The following MTNR1B variants were observed in gnomAD, a reference collection of about 807,000 sequenced individuals.
MTNR1B encodes the protein melatonin receptor 1B.
MTNR1B carries 7 observed loss-of-function variants against 7.0 expected under a neutral mutation model. That is an observed-to-expected ratio of 1.00 (90% confidence interval 0.57 to 1.88). MTNR1B has a LOEUF of 1.88. MTNR1B is among the 40% of genes most tolerant of loss of function. The pLI is 0.00. For synonymous variants in MTNR1B, 226 were observed against 208.2 expected, an observed-to-expected ratio of 1.09 and a Z score of -0.74; for missense variants, 478 against 486.5, an observed-to-expected ratio of 0.98 and a Z score of 0.16.
rs559004434 is a variant in MTNR1B, at chr11:92,976,652, A to G, written c.224-4795A>G. On this transcript the variant is annotated intron_variant, in intron 1 of 1. Coordinates refer to ENST00000257068, the MANE Select transcript of MTNR1B (RefSeq NM_005959.5). Reference sequence around the variant, plus strand: ...GCAAAACTGGATCCCCAAGCTCTCAACAGAATTTGTTCTTGTTAATGTCAC... The same window carrying G: ...GCAAAACTGGATCCCCAAGCTCTCAGCAGAATTTGTTCTTGTTAATGTCAC... Among the ~76,000 whole-genome samples the G allele has an allele frequency of 6.6e-5, 10 of 152,298 alleles. No individual in the cohort carries two copies. The South Asian group carries it at 2.1e-3, about 32-fold the overall frequency.
At position 92,969,793 on chromosome 11, in the gene MTNR1B, C is replaced by CG. The variant is rs1309001864; in HGVS notation, c.73dup (p.Ala25GlyfsTer52). The CG allele has an allele frequency of 1.3e-6, 2 of 1,555,080 alleles. No individual in the cohort carries two copies. Among genetic ancestry groups the CG allele is most frequent in the Non-Finnish European group, 1.7e-6 (2 of 1,149,844 alleles). ...GGGTGGGCAGTGCGCCCGGGCTGGT[C>CG]GGGGGCTGGCAGCGCGCGGCCCTCC... is the stretch of plus-strand genomic sequence containing the variant. On this transcript the variant is annotated frameshift_variant, in exon 1 of 2. Coordinates refer to ENST00000257068, the MANE Select transcript of MTNR1B (RefSeq NM_005959.5). LOFTEE classifies it high-confidence loss of function.
intron 1 of MTNR1B, among the ~76,000 whole-genome samples, chr11:92,975,884 C>T (rs1366428527): frequency 6.6e-6 from 1 of 152,178 alleles, no homozygotes; most frequent in Admixed American, 6.5e-5. Context: ...TTGACTTGCT[C>T]AGCCTGCAAT....
At chr11:92,970,701 G>A (rs553973262) in intron 1 of MTNR1B, among the ~76,000 whole-genome samples, 7 of 152,142 alleles carry the variant, frequency 4.6e-5, no homozygotes, top group African/African-American at 1.7e-4. Flanking sequence ...AAACCAGAGT[G>A]GGGGGCAGTA....
At position 92,981,797 on chromosome 11, in the gene MTNR1B, T is replaced by C; in HGVS notation, c.574T>C (p.Phe192Leu). The C allele has an allele frequency of 1.9e-6, 3 of 1,614,184 alleles. No individual in the cohort carries two copies. The highest frequency in any genetic ancestry group is 2.5e-6 in the Non-Finnish European group (3 of 1,180,034). The change falls in exon 2 of 2, where the codon TTC becomes CTC. Residue 192 changes from phenylalanine to leucine, a missense_variant. Coordinates refer to ENST00000257068, the MANE Select transcript of MTNR1B (RefSeq NM_005959.5). Reference protein sequence around the residue: ...EYDPRIYSCTFIQTASTQYTA... With the variant: ...EYDPRIYSCTLIQTASTQYTA... ...CGACCCACGCATCTATTCCTGCACCTTCATCCAGACCGCCAGCACCCAGTA... is the reference window on the plus strand; with the variant it reads ...CGACCCACGCATCTATTCCTGCACCCTCATCCAGACCGCCAGCACCCAGTA...
At chr11:92,980,336 A>T (rs1297835683) in intron 1 of MTNR1B, among the ~76,000 whole-genome samples, 2 of 152,242 alleles carry the variant, frequency 1.3e-5, no homozygotes, top group Non-Finnish European at 2.9e-5. Context: ...TTGAGCATAC[A>T]GTAGGTATTC....
Position 92,982,307 on chromosome 11 carries a change from C to G in MTNR1B, c.1084C>G (p.Leu362Val), listed in dbSNP as rs772197954. 34 of 1,608,450 alleles carry G rather than the reference C, an allele frequency of 2.1e-5. No individual in the cohort carries two copies. The East Asian group carries it at 6.5e-4, about 31-fold the overall frequency. Residue 362 changes from leucine to valine, a missense_variant, in exon 2 of 2, where the codon CTC becomes GTC. Leu to Val is a conservative substitution (Grantham distance 32). Transcript: ENST00000257068. ...TGGTGTGCAGCACCAGGCAGATGCTCTCTAGCCTGGATCTGAGGCACACCA... is the reference window on the plus strand; with the variant it reads ...TGGTGTGCAGCACCAGGCAGATGCTGTCTAGCCTGGATCTGAGGCACACCA... ...IIGVQHQADA[L>V]
In MTNR1B at chr11:92,981,902, G is replaced by A; in HGVS notation, c.679G>A (p.Val227Met). The A allele has an allele frequency of 6.2e-7, 1 of 1,614,204 alleles. No individual in the cohort carries two copies. Among genetic ancestry groups the A allele is most frequent in the Non-Finnish European group, 8.5e-7 (1 of 1,180,044 alleles). Residue 227 changes from valine (V) to methionine (M), a missense_variant, in exon 2 of 2, where the codon GTG becomes ATG. Val to Met is a conservative substitution (Grantham distance 21). Coordinates refer to ENST00000257068, the MANE Select transcript of MTNR1B (RefSeq NM_005959.5). ...SFCYLRIWVLVLQARRKAKPE... is the reference protein window; with the variant it reads ...SFCYLRIWVLMLQARRKAKPE... Reference sequence around the variant, plus strand: ...CTGCTACCTGCGCATCTGGGTGCTGGTGCTTCAGGCCCGCAGGAAAGCCAA... The same window carrying A: ...CTGCTACCTGCGCATCTGGGTGCTGATGCTTCAGGCCCGCAGGAAAGCCAA...
intron 1 of MTNR1B, chr11:92,972,356 C>T (rs992420420): frequency 2.2e-6 from 1 of 454,550 alleles, no homozygotes; most frequent in Admixed American, 2.4e-5. Context: ...CTTTACTTGC[C>T]TATCACAAAC....
chr11:92,980,270 G>A (rs1382702943), intron 1 of MTNR1B, among the ~76,000 whole-genome samples: 2 of 152,224 alleles, frequency 1.3e-5, no homozygotes, highest in South Asian at 2.1e-4. Flanking sequence ...AAAATACCAT[G>A]CCCAGTGCAC....
intron 1 of MTNR1B, among the ~76,000 whole-genome samples, chr11:92,978,874 C>T (rs1184487007): frequency 6.6e-6 from 1 of 152,192 alleles, no homozygotes; most frequent in African/African-American, 2.4e-5. Flanking sequence ...TCTGCCTTCA[C>T]AGGGAAACAG....
rs960263977 is a variant in MTNR1B at position 92,982,272 on chromosome 11, C to T, written c.1049C>T (p.Pro350Leu). 1 of 1,613,950 alleles carries T rather than the reference C, an allele frequency of 6.2e-7. No homozygotes were observed. Among genetic ancestry groups the T allele is most frequent in the African/African-American group, 1.3e-5 (1 of 74,926 alleles). The change falls in exon 2 of 2, where the codon CCA becomes CTA. Residue 350 changes from proline to leucine, a missense_variant. Pro to Leu is a moderately conservative substitution (Grantham distance 98). Coordinates refer to ENST00000257068, the MANE Select transcript of MTNR1B (RefSeq NM_005959.5). ...GCGGAGGGGCTGCAGAGCCCAGCTC[C>T]ACCCATCATTGGTGTGCAGCACCAG... ...SHAEGLQSPA[P>L]PIIGVQHQAD...
Position 92,981,811 on chromosome 11 carries a change from C to A in MTNR1B, c.588C>A (p.Ala196=), listed in dbSNP as rs1417838736. The A allele has an allele frequency of 6.2e-7, 1 of 1,614,236 alleles. No homozygotes were observed. Among genetic ancestry groups the A allele is most frequent in the Admixed American group, 1.7e-5 (1 of 60,032 alleles). ...RIYSCTFIQT[A]STQYTAAVVV... is the part of the protein sequence containing the mutation. ...ATTCCTGCACCTTCATCCAGACCGC[C>A]AGCACCCAGTACACGGCGGCAGTGG... Residue 196 remains alanine (A), a synonymous_variant, in exon 2 of 2, where the codon GCC becomes GCA. Transcript: ENST00000257068.
chr11:92,973,296 A>G (rs1857962170), intron 1 of MTNR1B, among the ~76,000 whole-genome samples: 1 of 151,978 alleles, frequency 6.6e-6, no homozygotes, highest in Admixed American at 6.6e-5. Context: ...TGCCTTCATC[A>G]TCTCTTGAGC....
chr11:92,981,334 A>C, intron 1 of MTNR1B, 113 bp from the exon 2 acceptor site: 1 of 1,425,938 alleles, frequency 7.0e-7, no homozygotes, highest in Non-Finnish European at 9.4e-7. Context: ...TGCCTCTAAG[A>C]GCCACTTGGT....
Position 92,982,043 on chromosome 11 carries a change from G to A in MTNR1B, c.820G>A (p.Val274Met), listed in dbSNP as rs147569774. Reference sequence around the variant, plus strand: ...TCCACTTAACTGCATCGGCCTCGCTGTGGCCATCAACCCCCAAGAAATGGC... The same window carrying A: ...TCCACTTAACTGCATCGGCCTCGCTATGGCCATCAACCCCCAAGAAATGGC... ...WAPLNCIGLAVAINPQEMAPQ... is the reference protein window; with the variant it reads ...WAPLNCIGLAMAINPQEMAPQ... The change falls in exon 2 of 2, where the codon GTG becomes ATG. Residue 274 changes from valine (V) to methionine (M), a missense_variant. Physicochemically the swap from Val to Met is conservative, Grantham distance 21 (BLOSUM62 1). Coordinates refer to ENST00000257068, the MANE Select transcript of MTNR1B (RefSeq NM_005959.5). 4.3e-6 allele frequency: 7 copies of A among 1,614,096 alleles called. No homozygotes were observed. In the African/African-American group the frequency reaches 9.3e-5, roughly 22 times the overall value.
chr11:92,978,570 C>T (rs1316266724), intron 1 of MTNR1B, among the ~76,000 whole-genome samples: 1 of 152,210 alleles, frequency 6.6e-6, no homozygotes, highest in Non-Finnish European at 1.5e-5. Flanking sequence ...CTCCCCTTGA[C>T]TATCATCCAC....
Position 92,981,631 on chromosome 11 carries a change from T to C in MTNR1B, c.408T>C (p.Ile136=), listed in dbSNP as rs1283890113. The C allele has an allele frequency of 3.1e-6, 5 of 1,614,074 alleles. No individual in the cohort carries two copies. Among genetic ancestry groups the C allele is most frequent in the Non-Finnish European group, 3.4e-6 (4 of 1,180,034 alleles). Residue 136 remains isoleucine, a synonymous_variant, in exon 2 of 2, where the codon ATT becomes ATC. Coordinates refer to ENST00000257068, the MANE Select transcript of MTNR1B (RefSeq NM_005959.5). ...GSVFNITAIA[I]NRYCYICHSM... ...TCTTCAATATCACTGCCATCGCCAT[T>C]AACCGCTACTGCTACATCTGCCACA...
chr11:92,982,241 A>C lies in MTNR1B; in HGVS notation c.1018A>C (p.Ser340Arg). Reference sequence around the variant, plus strand: ...CTGCATTCAAGATGCTTCCAAGGGCAGCCACGCGGAGGGGCTGCAGAGCCC... The same window carrying C: ...CTGCATTCAAGATGCTTCCAAGGGCCGCCACGCGGAGGGGCTGCAGAGCCC... ...RHCIQDASKG[S>R]HAEGLQSPAP... The change falls in exon 2 of 2, where the codon AGC becomes CGC. Residue 340 changes from serine to arginine, a missense_variant. Transcript: ENST00000257068. 1.9e-6 allele frequency: 3 copies of C among 1,614,234 alleles called. No homozygotes were observed. Among genetic ancestry groups the C allele is most frequent in the Non-Finnish European group, 2.5e-6 (3 of 1,180,044 alleles).
chr11:92,971,459 G>A (rs1857921715), intron 1 of MTNR1B, among the ~76,000 whole-genome samples: 1 of 152,164 alleles, frequency 6.6e-6, no homozygotes, highest in Non-Finnish European at 1.5e-5. Flanking sequence ...GGAAAAACAG[G>A]TTATGATTAG....
Sources: gnomAD v4.1 joint callset for allele counts (sites outside exome capture counted in the v4.1 genomes callset) on GRCh38, gnomAD v4.1.1 for gene constraint, MANE v1.5 for transcripts, NCBI Gene and HGNC (gene_info 2026-07-23, HGNC 2026-07-21) for gene names.